The following VPS4A variants were observed in gnomAD, a reference collection of about 807,000 sequenced individuals.
The protein encoded by VPS4A is vacuolar protein sorting 4 homolog A.
In VPS4A, 20 loss-of-function variants were observed where a neutral mutation model predicts 52.3. The observed-to-expected ratio is 0.38, with a 90% CI of 0.27 to 0.56. The LOEUF (loss-of-function observed/expected upper bound fraction) is 0.56, where lower values mean the gene tolerates loss of function less well. Ranked by LOEUF, VPS4A falls within the 20% of genes least tolerant of loss-of-function variation. The probability of loss-of-function intolerance (pLI) is 0.72; values close to 1 mark genes in which losing one functional copy is unlikely to be tolerated. For missense variants in VPS4A, 419 were observed against 575.9 expected, an observed-to-expected ratio of 0.73 and a Z score of 2.79; for synonymous variants, 293 against 227.7, an observed-to-expected ratio of 1.29 and a Z score of -2.58.
At chr16:69,316,431 C>A (rs192637868) in intron 3 of VPS4A, 59 bp downstream of exon 3, 2 of 1,592,454 alleles carry the variant, frequency 1.3e-6, no homozygotes, top group East Asian at 4.5e-5. Flanking sequence ...CCCTATCATT[C>A]CTGGCGCTCA....
At chr16:69,318,487 G>A (rs1664470065) in intron 3 of VPS4A, among the ~76,000 whole-genome samples, 163 bp from the exon 4 acceptor site, 1 of 152,238 alleles carries the variant, frequency 6.6e-6, no homozygotes, top group Admixed American at 6.5e-5. Context: ...GAGAGCATTG[G>A]CCCAAATGTC....
chr16:69,320,888 C>A lies in VPS4A; in HGVS notation c.851+119C>A. 2 of 1,263,394 alleles carry A rather than the reference C, an allele frequency of 1.6e-6. No individual in the cohort carries two copies. Among genetic ancestry groups the A allele is most frequent in the Non-Finnish European group, 1.1e-6 (1 of 900,644 alleles). 78.3% of individuals were successfully genotyped at this position (1,263,394 alleles called of 1,614,324 possible). On this transcript the variant is annotated intron_variant, in intron 8 of 10. Coordinates refer to ENST00000254950, the MANE Select transcript of VPS4A (RefSeq NM_013245.3). The surrounding 1 kb of genome is among the most constrained non-coding windows in gnomAD (Gnocchi z 4.2). ...CTTTTCCCTGGAGTCTTCCCGTCTG[C>A]CTGCCAAGCAGAGCCCTTTGTGAGG...
At chr16:69,318,568 G>A (rs1965467095) in intron 3 of VPS4A, 82 bp from the exon 4 acceptor site, 2 of 1,463,346 alleles carry the variant, frequency 1.4e-6, no homozygotes, top group Admixed American at 2.0e-5. Flanking sequence ...CAGTGTGCAG[G>A]CAGCGGAGCC....
At chr16:69,314,099 G>A (rs1285923498) in intron 1 of VPS4A, among the ~76,000 whole-genome samples, 2 of 149,562 alleles carry the variant, frequency 1.3e-5, no homozygotes, top group Non-Finnish European at 1.5e-5. Flanking sequence ...CCAAGTAGCC[G>A]TAACTACAGG....
intron 5 of VPS4A, 148 bp downstream of exon 5, chr16:69,319,090 G>A: frequency 8.0e-7 from 1 of 1,251,560 alleles, no homozygotes; most frequent in Non-Finnish European, 1.1e-6. Flanking sequence ...CCACAACACT[G>A]CTGTGGCTGG....
Position 69,324,329 on chromosome 16 carries a change from A to C in VPS4A, c.*20A>C. ...AGTTAAAAGCTGCTTCACTTGGGCAATGGTGAAGGTGGGAGGTTGATTGGG... is the reference window on the plus strand; with the variant it reads ...AGTTAAAAGCTGCTTCACTTGGGCACTGGTGAAGGTGGGAGGTTGATTGGG... On this transcript the variant is annotated 3_prime_UTR_variant, in exon 11 of 11. Coordinates refer to ENST00000254950, the MANE Select transcript of VPS4A (RefSeq NM_013245.3). 1 of 1,610,744 alleles carries C rather than the reference A, an allele frequency of 6.2e-7. No homozygotes were observed. Among genetic ancestry groups the C allele is most frequent in the Non-Finnish European group, 8.5e-7 (1 of 1,178,114 alleles).
intron 2 of VPS4A, 33 bp downstream of exon 2, chr16:69,316,152 A>G (rs1358937088): frequency 6.2e-7 from 1 of 1,612,056 alleles, no homozygotes; most frequent in African/African-American, 1.3e-5. Flanking sequence ...AGGCTGCCGC[A>G]CTCCAGAGGG....
intron 10 of VPS4A, among the ~76,000 whole-genome samples, chr16:69,323,897 C>T (rs1179417674): frequency 6.9e-6 from 1 of 144,296 alleles, no homozygotes. Context: ...TTGCGGTGAG[C>T]CGAGATCATG....
In VPS4A at chr16:69,320,003, A is replaced by T; in HGVS notation, c.621-138A>T. 2.5e-6 allele frequency: 3 copies of T among 1,217,740 alleles called. No individual in the cohort carries two copies. The highest frequency in any genetic ancestry group is 3.4e-6 in the Non-Finnish European group (3 of 886,934). 75.4% of individuals were successfully genotyped at this position (1,217,740 alleles called of 1,614,324 possible). ...GTGCAGTGTGGCCCGAGGGCTCCTCACCACCACGTTTTCCGCAATTCCGGC... is the reference window on the plus strand; with the variant it reads ...GTGCAGTGTGGCCCGAGGGCTCCTCTCCACCACGTTTTCCGCAATTCCGGC... On this transcript the variant is annotated intron_variant, in intron 6 of 10. Coordinates refer to ENST00000254950, the MANE Select transcript of VPS4A (RefSeq NM_013245.3). The surrounding 1 kb of genome is among the most constrained non-coding windows in gnomAD (Gnocchi z 4.2).
chr16:69,315,324 GAC>G (rs1484158850), intron 1 of VPS4A, among the ~76,000 whole-genome samples: 1 of 152,194 alleles, frequency 6.6e-6, no homozygotes, highest in African/African-American at 2.4e-5. Flanking sequence ...GTTCCAGAGG[GAC>G]ACAGTTCTCT....
At chr16:69,318,767 G>T (rs983888397) in intron 4 of VPS4A, 56 bp downstream of exon 4, 19 of 1,613,182 alleles carry the variant, frequency 1.2e-5, no homozygotes, top group Non-Finnish European at 1.5e-5. Flanking sequence ...GTCCGCTGCT[G>T]GGTTGGCTCA....
intron 10 of VPS4A, 108 bp from the exon 11 acceptor site, chr16:69,324,100 C>G: frequency 8.6e-7 from 1 of 1,163,510 alleles, no homozygotes; most frequent in Non-Finnish European, 1.2e-6. Context: ...CTGGGGTGGC[C>G]TTGAAGGCAA....
In VPS4A at chr16:69,324,128, G is replaced by T; in HGVS notation, c.1213-80G>T. 1.4e-6 allele frequency: 2 copies of T among 1,440,470 alleles called. 1 individual carries two copies. The allele number at this position is 1,440,470 out of a possible 1,614,324, so 89.2% of individuals were successfully genotyped here. On this transcript the variant is annotated intron_variant, in intron 10 of 10. Transcript: ENST00000254950. Reference sequence around the variant, plus strand: ...GAAGGCAAACCTCTTCCCACCCTCAGCTGCGCCTGTTGTGTGCTGAGGGGA... The same window carrying T: ...GAAGGCAAACCTCTTCCCACCCTCATCTGCGCCTGTTGTGTGCTGAGGGGA...
intron 1 of VPS4A, 64 bp from the exon 2 acceptor site, chr16:69,315,944 C>G: frequency 7.7e-6 from 11 of 1,422,240 alleles, no homozygotes; most frequent in Non-Finnish European, 1.1e-5. Context: ...ATCCCCATGC[C>G]TGTGACCCCA....
Position 69,316,381 on chromosome 16 carries a change from C to T in VPS4A, c.281+9C>T. 1 of 1,613,200 alleles carries T rather than the reference C, an allele frequency of 6.2e-7. No individual in the cohort carries two copies. Among genetic ancestry groups the T allele is most frequent in the Non-Finnish European group, 8.5e-7 (1 of 1,179,472 alleles). ...CAGAGTGAGGGCAAGGGGTGAGTGT[C>T]TGCAGCGTCCGCCCAGGAACCTGGG... On this transcript the variant is annotated intron_variant, in intron 3 of 10. Transcript: ENST00000254950.
rs572547441 is a variant in VPS4A, at chr16:69,321,455, G to A, written c.1071+185G>A. ...ACTGTCCCCTCCCTGCAGCTCTTCT[G>A]GAGTGTGGCCATCTCAGGGTGTGTG... On this transcript the variant is annotated intron_variant, in intron 9 of 10. Coordinates refer to ENST00000254950, the MANE Select transcript of VPS4A (RefSeq NM_013245.3). This position sits in a 1 kb window ranked among gnomAD's most constrained non-coding sequence, Gnocchi z 4.5. 8.4e-5 allele frequency: 55 copies of A among 653,646 alleles called. No individual in the cohort carries two copies. In the African/African-American group the frequency reaches 8.9e-4, roughly 11 times the overall value. 40.5% of individuals were successfully genotyped at this position (653,646 alleles called of 1,614,324 possible).
intron 1 of VPS4A, among the ~76,000 whole-genome samples, chr16:69,314,489 C>A (rs186165593): frequency 1.3e-3 from 201 of 152,244 alleles, no homozygotes; most frequent in African/African-American, 4.5e-3. Context: ...TCTGAAGGAA[C>A]ATCATGCAGA....
Position 69,319,480 on chromosome 16 carries a change from A to C in VPS4A, c.557A>C (p.Asn186Thr). Residue 186 changes from asparagine to threonine, a missense_variant, in exon 6 of 11, where the codon AAC becomes ACC. Coordinates refer to ENST00000254950, the MANE Select transcript of VPS4A (RefSeq NM_013245.3). ...LAKAVATEAN[N>T]STFFSVSSSD... ...AAAGCCGTGGCAACAGAGGCCAACA[A>C]CTCCACCTTCTTCTCTGTGTCCTCC... 1 of 1,613,874 alleles carries C rather than the reference A, an allele frequency of 6.2e-7. No individual in the cohort carries two copies. Among genetic ancestry groups the C allele is most frequent in the East Asian group, 2.2e-5 (1 of 44,870 alleles).
intron 9 of VPS4A, 148 bp from the exon 10 acceptor site, chr16:69,322,412 C>A: frequency 2.5e-6 from 2 of 800,534 alleles, no homozygotes; most frequent in Non-Finnish European, 1.8e-6. Flanking sequence ...TCGCTCGGAC[C>A]ACCCAGCCCG....
Sources: allele counts gnomAD v4.1 joint callset (sites outside exome capture counted in the v4.1 genomes callset), GRCh38; gene constraint gnomAD v4.1.1; non-coding constraint Gnocchi (gnomAD v3.1); transcripts MANE v1.5; gene names NCBI Gene and HGNC (gene_info 2026-07-23, HGNC 2026-07-21).